PRG4: variants seen among roughly 807,000 people sequenced by gnomAD.
PRG4 encodes the protein articular superficial zone protein.
In PRG4, 61 loss-of-function variants were observed where a neutral mutation model predicts 91.2. That is an observed-to-expected ratio of 0.67 (90% CI 0.54 to 0.83). The LOEUF (loss-of-function observed/expected upper bound fraction) is 0.83, where lower values mean the gene tolerates loss of function less well. PRG4 is among the 40% of genes least tolerant of loss of function. PRG4 has a pLI of 0.00. For synonymous variants in PRG4, 576 were observed against 614.2 expected, an observed-to-expected ratio of 0.94 and a Z score of 0.92; for missense variants, 1,564 against 1,714.2, an observed-to-expected ratio of 0.91 and a Z score of 1.55.
At chr1:186,312,568 G>A (rs1347708393) in intron 11 of PRG4, 196 bp downstream of exon 11, 2 of 781,710 alleles carry the variant, frequency 2.6e-6, no homozygotes, top group African/African-American at 3.5e-5. Flanking sequence ...GGTAAGTAAA[G>A]CAGTTTGTTC....
At chr1:186,304,685 C>T (rs529039110) in intron 5 of PRG4, 109 bp from the exon 6 acceptor site, 2 of 1,393,808 alleles carry the variant, frequency 1.4e-6, no homozygotes, top group African/African-American at 2.9e-5. Context: ...AAAGCAAAAT[C>T]CAGATACTTG....
chr1:186,301,593 G>A lies in PRG4; in HGVS notation c.201G>A (p.Glu67=), dbSNP rs955798670. The part of the protein sequence containing the change: ...CPDFKRVCTA[E]LSCKGRCFES... ...AACTTCTTGTTTTGCTCTGGGTAGA[G>A]CTTTCCTGTAAAGGCCGCTGCTTTG... The change falls in exon 4 of 13, where the codon GAG becomes GAA. Residue 67 remains glutamate, a splice_region_variant and synonymous_variant. Transcript: ENST00000445192. The A allele has an allele frequency of 6.2e-7, 1 of 1,614,018 alleles. No homozygotes were observed. The highest frequency in any genetic ancestry group is 8.5e-7 in the Non-Finnish European group (1 of 1,179,956).
rs1657460963 is a variant in PRG4 at position 186,313,787 on chromosome 1, G to A, written c.*9G>A. On this transcript the variant is annotated 3_prime_UTR_variant, in exon 13 of 13. Coordinates refer to ENST00000445192, the MANE Select transcript of PRG4 (RefSeq NM_005807.6). Reference sequence around the variant, plus strand: ...GGTACAACTGTCCTTAGACTGATGAGCAAAGGAGGAGTCAACTAATGAAGA... The same window carrying A: ...GGTACAACTGTCCTTAGACTGATGAACAAAGGAGGAGTCAACTAATGAAGA... 6 of 1,574,680 alleles carry A rather than the reference G, an allele frequency of 3.8e-6. No homozygotes were observed. The African/African-American group carries it at 5.4e-5, about 14-fold the overall frequency.
chr1:186,309,832 T>C lies in PRG4; in HGVS notation c.3461T>C (p.Leu1154Pro), dbSNP rs1306187214. 1 of 1,613,860 alleles carries C rather than the reference T, an allele frequency of 6.2e-7. No individual in the cohort carries two copies. The highest frequency in any genetic ancestry group is 8.5e-7 in the Non-Finnish European group (1 of 1,179,814). The change falls in exon 8 of 13, where the codon CTG (leucine) becomes CCG (proline). Residue 1154 changes from leucine (L) to proline (P), a missense_variant. Physicochemically the swap from Leu to Pro is moderately conservative, Grantham distance 98. This residue lies in a region of PRG4 where 1,079 missense variants were observed against 1,162.2 expected (regional missense o/e 0.93). Coordinates refer to ENST00000445192, the MANE Select transcript of PRG4 (RefSeq NM_005807.6). ...TGCAATGGTAAGCCAGTAGATGGAC[T>C]GACTACTTTGCGCAATGGGACATTA... ...NICNGKPVDG[L>P]TTLRNGTLVA...
In PRG4 at chr1:186,306,883, T is replaced by C. The variant is rs1656628734; in HGVS notation, c.1164T>C (p.Ser388=). 1.3e-6 allele frequency: 2 copies of C among 1,570,650 alleles called. No individual in the cohort carries two copies. Among genetic ancestry groups the C allele is most frequent in the African/African-American group, 1.6e-5 (1 of 61,328 alleles). The change falls in exon 7 of 13, where the codon TCT becomes TCC. Residue 388 remains serine (S), a synonymous_variant. Coordinates refer to ENST00000445192, the MANE Select transcript of PRG4 (RefSeq NM_005807.6). ...PKEPAPTTTK[S]APTTPKEPAP... ...AGCCTGCACCCACCACCACCAAGTC[T>C]GCACCCACCACTCCCAAGGAGCCTG...
chr1:186,311,681 A>T (rs1265069444), intron 10 of PRG4, 85 bp downstream of exon 10: 1 of 1,377,430 alleles, frequency 7.3e-7, no homozygotes, highest in African/African-American at 1.4e-5. Context: ...TTACTGTCAA[A>T]AGATATCTTT....
In PRG4 at chr1:186,309,137, T is replaced by G; in HGVS notation, c.3418T>G (p.Ser1140Ala). The G allele has an allele frequency of 1.2e-6, 2 of 1,610,594 alleles. No homozygotes were observed. The highest frequency in any genetic ancestry group is 1.7e-6 in the Non-Finnish European group (2 of 1,177,708). Reference sequence around the variant, plus strand: ...AGGCATTATCATCAATCCCATGCTTTCCGGTATTAAGAATCAGTTATTTTC... The same window carrying G: ...AGGCATTATCATCAATCCCATGCTTGCCGGTATTAAGAATCAGTTATTTTC... Reference protein sequence around the residue: ...NQGIIINPMLSDETNICNGKP... With the variant: ...NQGIIINPMLADETNICNGKP... The change falls in exon 7 of 13, where the codon TCC becomes GCC. Residue 1140 changes from serine to alanine, a missense_variant. By Grantham distance (99) the Ser-to-Ala change is moderately conservative. Transcript: ENST00000445192.
In PRG4 at chr1:186,307,139, C is replaced by A. The variant is rs1161139883; in HGVS notation, c.1420C>A (p.Pro474Thr). The A allele has an allele frequency of 2.6e-6, 3 of 1,136,566 alleles. No homozygotes were observed. The highest frequency in any genetic ancestry group is 3.6e-6 in the Non-Finnish European group (3 of 822,430). 70.4% of individuals were successfully genotyped at this position (1,136,566 alleles called of 1,614,324 possible). Residue 474 changes from proline (P) to threonine (T), a missense_variant, in exon 7 of 13, where the codon CCT (proline) becomes ACT (threonine). By Grantham distance (38) the Pro-to-Thr change is conservative. Coordinates refer to ENST00000445192, the MANE Select transcript of PRG4 (RefSeq NM_005807.6). ...PKEPAPTTKE[P>T]APTTPKEPAP... is the part of the protein sequence containing the mutation. ...GGAGCCTGCACCCACCACCAAGGAG[C>A]CTGCACCCACCACTCCCAAAGAGCC...
At chr1:186,312,018 A>T (rs1260820121) in intron 10 of PRG4, 157 bp from the exon 11 acceptor site, 2 of 616,288 alleles carry the variant, frequency 3.2e-6, no homozygotes, top group Non-Finnish European at 5.6e-6. Context: ...AATTATTTTT[A>T]TAATACCCTT....
At chr1:186,303,408 T>G in intron 4 of PRG4, among the ~76,000 whole-genome samples, 1 of 146,102 alleles carries the variant, frequency 6.8e-6, no homozygotes, top group East Asian at 2.0e-4. Context: ...ACCCAGAGAG[T>G]CCCCAGTGCT....
intron 4 of PRG4, among the ~76,000 whole-genome samples, chr1:186,301,943 G>A (rs946425733): frequency 6.6e-5 from 10 of 152,210 alleles, no homozygotes; most frequent in Admixed American, 3.9e-4. Context: ...TGTTGCCAGA[G>A]GGGGAACATA....
Position 186,306,772 on chromosome 1 carries a change from G to C in PRG4, c.1053G>C (p.Thr351=), listed in dbSNP as rs751548544. 3.8e-6 allele frequency: 6 copies of C among 1,580,958 alleles called. No individual in the cohort carries two copies. Among genetic ancestry groups the C allele is most frequent in the Non-Finnish European group, 5.2e-6 (6 of 1,163,782 alleles). Residue 351 remains threonine, a synonymous_variant, in exon 7 of 13, where the codon ACG becomes ACC. Transcript: ENST00000445192. The part of the protein sequence containing the change: ...GPALTTPKEP[T]PTTPKEPAST... ...CTCTCACCACTCCCAAGGAGCCCAC[G>C]CCCACCACTCCCAAGGAGCCTGCAT...
At chr1:186,299,405 T>A (rs1656057114) in intron 2 of PRG4, among the ~76,000 whole-genome samples, 1 of 152,222 alleles carries the variant, frequency 6.6e-6, no homozygotes, top group Non-Finnish European at 1.5e-5. Context: ...TTTAAACTTA[T>A]CCTCAGGAAT....
At position 186,314,055 on chromosome 1, in the gene PRG4, T is replaced by C. The variant is rs1403294608; in HGVS notation, c.*277T>C. On this transcript the variant is annotated 3_prime_UTR_variant, in exon 13 of 13. Coordinates refer to ENST00000445192, the MANE Select transcript of PRG4 (RefSeq NM_005807.6). ...TAAAAGAAAAAAGAATCAAATTGAA[T>C]ATATCTTTTAAGAATTCAAAACTAG... The C allele has an allele frequency of 6.3e-7, 1 of 1,598,774 alleles. No individual in the cohort carries two copies. The highest frequency in any genetic ancestry group is 8.5e-7 in the Non-Finnish European group (1 of 1,173,348).
At chr1:186,296,453 A>C (rs1655868424) in intron 1 of PRG4, among the ~76,000 whole-genome samples, 160 bp downstream of exon 1, 1 of 152,232 alleles carries the variant, frequency 6.6e-6, no homozygotes, top group Non-Finnish European at 1.5e-5. Flanking sequence ...AGAATTAAGA[A>C]AAAGTTGGAA....
rs1163502856 is a variant in PRG4, at chr1:186,312,575, G to C, written c.3992-194G>C. The C allele has an allele frequency of 3.9e-6, 3 of 774,350 alleles. No individual in the cohort carries two copies. The African/African-American group carries it at 5.3e-5, about 14-fold the overall frequency. 48.0% of individuals were successfully genotyped at this position (774,350 alleles called of 1,614,324 possible). A position where few individuals can be genotyped will look rare whatever the true frequency, so the allele number is the denominator to read the frequency against. On this transcript the variant is annotated intron_variant, in intron 11 of 12. Transcript: ENST00000445192. ...TCCTTGTGGGTAAGTAAAGCAGTTT[G>C]TTCAGGTTTGTTAGTTATAACCAAT...
intron 6 of PRG4, 114 bp downstream of exon 6, chr1:186,305,036 A>G: frequency 8.5e-7 from 1 of 1,175,098 alleles, no homozygotes; most frequent in South Asian, 1.4e-5. Context: ...GGGGAATATA[A>G]CTTTATGAAT....
rs1051858129 is a variant in PRG4 at position 186,308,772 on chromosome 1, C to T, written c.3053C>T (p.Thr1018Ile). 1 of 1,613,884 alleles carries T rather than the reference C, an allele frequency of 6.2e-7. No individual in the cohort carries two copies. The highest frequency in any genetic ancestry group is 8.5e-7 in the Non-Finnish European group (1 of 1,180,010). Residue 1018 changes from threonine (T) to isoleucine (I), a missense_variant, in exon 7 of 13, where the codon ACT (threonine) becomes ATT (isoleucine). Thr to Ile is a moderately conservative substitution (Grantham distance 89, BLOSUM62 -1). Transcript: ENST00000445192. ...AGAGCTACTAATTCTAAAGCGACAA[C>T]TCCTAAACCTCAAAAGCCAACCAAA... The part of the protein sequence containing the change: ...KDRATNSKAT[T>I]PKPQKPTKAP...
Position 186,307,176 on chromosome 1 carries a change from C to T in PRG4, c.1457C>T (p.Ala486Val), listed in dbSNP as rs372995916. The T allele has an allele frequency of 3.4e-5, 54 of 1,594,526 alleles. 1 individual carries two copies. In the African/African-American group the frequency reaches 5.8e-4, roughly 17 times the overall value. Reference sequence around the variant, plus strand: ...ACTCCCAAAGAGCCTGCACCCACTGCCCCCAAGAAGCCTGCCCCAACTACC... The same window carrying T: ...ACTCCCAAAGAGCCTGCACCCACTGTCCCCAAGAAGCCTGCCCCAACTACC... ...PTTPKEPAPT[A>V]PKKPAPTTPK... The change falls in exon 7 of 13, where the codon GCC becomes GTC. Residue 486 changes from alanine (A) to valine (V), a missense_variant. Around this residue, in one of 3 missense-constraint regions of PRG4, gnomAD observed 1,079 missense variants for 1,162.2 expected, o/e 0.93. Transcript: ENST00000445192.
Sources: allele counts gnomAD v4.1 joint callset (sites outside exome capture counted in the v4.1 genomes callset), GRCh38; gene constraint gnomAD v4.1.1; regional missense constraint gnomAD v4.1.1; transcripts MANE v1.5; gene names NCBI Gene and HGNC (gene_info 2026-07-23, HGNC 2026-07-21).